Variants in APTX observed in about 807,000 individuals in gnomAD.
APTX encodes forkhead-associated domain histidine triad-like protein.
APTX carries 33 observed loss-of-function variants against 42.3 expected under a neutral mutation model. The observed-to-expected ratio is 0.78, with a 90% CI of 0.59 to 1.04. The LOEUF (loss-of-function observed/expected upper bound fraction) is 1.04, where lower values mean the gene tolerates loss of function less well. Among genes scored for constraint, APTX ranks in the 50% least tolerant of loss-of-function variants. The probability of loss-of-function intolerance (pLI) is 0.00; values close to 1 mark genes in which losing one functional copy is unlikely to be tolerated. For missense variants in APTX, 421 were observed against 415.1 expected (o/e 1.01, Z -0.12); for synonymous variants, 130 against 146.7 (o/e 0.89, Z 0.82).
At position 32,986,034 on chromosome 9, in the gene APTX, A is replaced by AT; in HGVS notation, c.484-5_484-4insA. The AT allele has an allele frequency of 7.6e-7, 1 of 1,317,010 alleles. No individual in the cohort carries two copies. Among genetic ancestry groups the AT allele is most frequent in the Non-Finnish European group, 1.0e-6 (1 of 977,554 alleles). 81.6% of individuals were successfully genotyped at this position (1,317,010 alleles called of 1,614,324 possible). A position where few individuals can be genotyped will look rare whatever the true frequency, so the allele number is the denominator to read the frequency against. ...GACTCCAGTGGCCCAGGGATTCCTA[A>AT]AAAAAAAACAAAAAAAAAAACAAAA... On this transcript the variant is annotated splice_polypyrimidine_tract_variant and splice_region_variant and intron_variant, in intron 4 of 7. Transcript: ENST00000379817.
intron 1 of APTX, among the ~76,000 whole-genome samples, chr9:33,010,533 A>G (rs1292872485): frequency 2.0e-5 from 3 of 152,122 alleles, no homozygotes; most frequent in Non-Finnish European, 4.4e-5. Flanking sequence ...CAGCCTGGTC[A>G]ACATGGTGAA....
At chr9:33,001,743 A>G (rs1836605790), upstream of APTX, 7 of 1,145,490 alleles carry the variant, frequency 6.1e-6, no homozygotes, top group South Asian at 5.3e-5. Flanking sequence ...GTCCGCCCCA[A>G]TTGGGTTCTC....
chr9:32,984,816 G>A lies in APTX; in HGVS notation c.585C>T (p.Tyr195=), dbSNP rs146506430. The change falls in exon 6 of 8, where the codon TAC becomes TAT. Residue 195 remains tyrosine (Y), a synonymous_variant. Transcript: ENST00000379817. ...CCAGCCAATGGTAACGGGCCTTTGGGTATTTATCCTTTATCACCACCACCT... is the reference window on the plus strand; with the variant it reads ...CCAGCCAATGGTAACGGGCCTTTGGATATTTATCCTTTATCACCACCACCT... ...DEQVVVIKDK[Y]PKARYHWLVL... The A allele has an allele frequency of 1.4e-4, 224 of 1,614,062 alleles. No individual in the cohort carries two copies. Among genetic ancestry groups the A allele is most frequent in the Non-Finnish European group, 1.3e-4 (154 of 1,180,038 alleles).
At chr9:32,982,931 A>G (rs1157961754) in intron 6 of APTX, among the ~76,000 whole-genome samples, 3 of 151,716 alleles carry the variant, frequency 2.0e-5, no homozygotes, top group African/African-American at 7.3e-5. Flanking sequence ...CCATCTCCAA[A>G]TATTTATTCT....
intron 1 of APTX, among the ~76,000 whole-genome samples, chr9:33,008,551 AT>A (rs34273971): frequency 0.078 from 10,486 of 134,990 alleles, 386 homozygotes; most frequent in Non-Finnish European, 0.11. Context: ...TCTGATTAAG[AT>A]TTTTTTTTTT....
At chr9:33,018,059 G>A (rs1386816799) in intron 1 of APTX, among the ~76,000 whole-genome samples, 3 of 150,212 alleles carry the variant, frequency 2.0e-5, no homozygotes, top group Non-Finnish European at 3.0e-5. Flanking sequence ...AAATTTCAAC[G>A]GTTTTAGGAC....
intron 6 of APTX, among the ~76,000 whole-genome samples, chr9:32,974,979 T>C (rs1240564524): frequency 1.3e-5 from 2 of 152,146 alleles, no homozygotes; most frequent in Non-Finnish European, 2.9e-5. Context: ...CTGCCCTCTT[T>C]AGTTAACAGT....
At chr9:32,974,019 A>T (rs1828723854) in intron 7 of APTX, among the ~76,000 whole-genome samples, 1 of 152,004 alleles carries the variant, frequency 6.6e-6, no homozygotes, top group Non-Finnish European at 1.5e-5. Flanking sequence ...CCTGGTGTGT[A>T]AGAAAGCATC....
chr9:32,988,686 GAAAAAAAAAAAAAAAA>G (rs201425898), intron 2 of APTX, among the ~76,000 whole-genome samples: 7 of 70,888 alleles, frequency 9.9e-5, no homozygotes, highest in Non-Finnish European at 1.3e-4. Flanking sequence ...ATCTCAGGAG[GAAAAAAAAAAAAAAAA>G]AAAAAAAAAA....
In APTX at chr9:32,987,816, C is replaced by A. The variant is rs771086045; in HGVS notation, c.211G>T (p.Val71Phe). The A allele has an allele frequency of 3.2e-5, 51 of 1,613,708 alleles. No individual in the cohort carries two copies. The African/African-American group carries it at 6.1e-4, about 19-fold the overall frequency. The change falls in exon 4 of 8, where the codon GTC (valine) becomes TTC (phenylalanine). Residue 71 changes from valine to phenylalanine, a missense_variant. Coordinates refer to ENST00000379817, the MANE Select transcript of APTX (RefSeq NM_001195248.2). ...VGVNPTSIDSVVIGKDQEVKL... is the reference protein window; with the variant it reads ...VGVNPTSIDSFVIGKDQEVKL... The stretch of plus-strand genomic sequence containing the variant: ...ACCTCTTGGTCCTTCCCAATTACGA[C>A]TGAGTCAATGCTGGTGGGATTGACT...
chr9:33,009,349 A>T (rs1466508074), intron 1 of APTX, among the ~76,000 whole-genome samples: 1 of 152,146 alleles, frequency 6.6e-6, no homozygotes, highest in African/African-American at 2.4e-5. Context: ...CCAGCCTTGT[A>T]CCAGCAATAT....
At chr9:32,989,682 C>T in intron 2 of APTX, 77 bp downstream of exon 2, 1 of 1,606,294 alleles carries the variant, frequency 6.2e-7, no homozygotes, top group Non-Finnish European at 8.5e-7. Flanking sequence ...CCATCAAGAT[C>T]ACCCAGAAAA....
upstream of APTX, chr9:33,001,731 G>C: frequency 7.6e-7 from 1 of 1,308,880 alleles, no homozygotes. Flanking sequence ...AGATCAAAAA[G>C]CGTCCGCCCC....
At chr9:32,985,853 A>G in intron 5 of APTX, 118 bp downstream of exon 5, 1 of 983,786 alleles carries the variant, frequency 1.0e-6, no homozygotes. Context: ...GAACAGCCCA[A>G]TAAAATGAAT....
chr9:33,018,910 C>T (rs948510711), intron 1 of APTX, among the ~76,000 whole-genome samples: 1 of 152,050 alleles, frequency 6.6e-6, no homozygotes, highest in Non-Finnish European at 1.5e-5. Context: ...TCAAAACTGT[C>T]AAGGTCCTTA....
chr9:33,012,260 TAG>T (rs1010981825), intron 1 of APTX, among the ~76,000 whole-genome samples: 1 of 152,092 alleles, frequency 6.6e-6, no homozygotes, highest in Non-Finnish European at 1.5e-5. Context: ...TTGGATATTT[TAG>T]AGAGAGAGGA....
upstream of APTX, chr9:33,001,779 C>T (rs1326988700): frequency 1.3e-6 from 1 of 796,680 alleles, no homozygotes; most frequent in South Asian, 1.6e-5. Flanking sequence ...AACTGAGGAT[C>T]CTGGAAGTTA....
rs576022465 is a variant in APTX, at chr9:33,013,085, G to A, written c.-5+11938C>T. ...TCAATCAATATTTTAGTAAATCAAT[G>A]TAATGTTGATTTACTAGCTCTACTA... is the stretch of plus-strand genomic sequence containing the variant. On this transcript the variant is annotated intron_variant, in intron 1 of 6. Coordinates refer to the APTX transcript ENST00000436040. Among the ~76,000 whole-genome samples, 4 of 152,284 alleles carry A rather than the reference G, an allele frequency of 2.6e-5. No homozygotes were observed. The East Asian group carries it at 7.7e-4, about 29-fold the overall frequency.
rs58427678 is a variant in APTX, at chr9:32,996,542, G to A, written c.-5+5025C>T. Among the ~76,000 whole-genome samples, 497 of 152,078 alleles carry A rather than the reference G, an allele frequency of 3.3e-3. 4 individuals are homozygous for A. Among genetic ancestry groups the A allele is most frequent in the South Asian group, 0.014 (66 of 4,808 alleles). On this transcript the variant is annotated intron_variant, in intron 1 of 7. Coordinates refer to ENST00000379817, the MANE Select transcript of APTX (RefSeq NM_001195248.2). ...CCTGTCTTGACCTCCCAAAGTGCAC[G>A]GATTACAGGTAGGAGCCACACCTGG...
Sources: gnomAD v4.1 joint callset for allele counts (sites outside exome capture counted in the v4.1 genomes callset) on GRCh38, gnomAD v4.1.1 for gene constraint, MANE v1.5 for transcripts, NCBI Gene and HGNC (gene_info 2026-07-23, HGNC 2026-07-21) for gene names.